Variants in SUCLG2 observed in about 807,000 individuals in gnomAD.
SUCLG2 encodes succinate--CoA ligase [GDP-forming] subunit beta, mitochondrial.
In SUCLG2, 42 loss-of-function variants were observed where a neutral mutation model predicts 47.9. The observed-to-expected ratio is 0.88, with a 90% confidence interval of 0.69 to 1.14. SUCLG2 has a LOEUF of 1.14. SUCLG2 is among the 50% of genes most tolerant of loss of function. The probability of loss-of-function intolerance (pLI) is 0.00; values close to 1 mark genes in which losing one functional copy is unlikely to be tolerated. For missense variants in SUCLG2, 571 were observed against 525.9 expected (o/e 1.09, Z -0.84); for synonymous variants, 195 against 197.3 (o/e 0.99, Z 0.10).
At chr3:67,378,022 A>C (rs1311852961) in intron 10 of SUCLG2, among the ~76,000 whole-genome samples, 1 of 152,198 alleles carries the variant, frequency 6.6e-6, no homozygotes, top group East Asian at 1.9e-4. Context: ...GGAGCCAAGC[A>C]TCTTACCCAC....
At chr3:67,636,650 C>G (rs954058822) in intron 1 of SUCLG2, among the ~76,000 whole-genome samples, 3 of 152,054 alleles carry the variant, frequency 2.0e-5, no homozygotes, top group Non-Finnish European at 4.4e-5. Flanking sequence ...CTGCACCCAG[C>G]CACCTGGCTA....
At chr3:67,625,337 T>C (rs892239036) in intron 1 of SUCLG2, among the ~76,000 whole-genome samples, 24 of 152,146 alleles carry the variant, frequency 1.6e-4, no homozygotes, top group African/African-American at 5.8e-4. Flanking sequence ...ACCATGACCT[T>C]ACAAGTTTGC....
At chr3:67,436,361 A>T (rs761035671) in intron 9 of SUCLG2, among the ~76,000 whole-genome samples, 22 of 152,200 alleles carry the variant, frequency 1.4e-4, no homozygotes, top group Non-Finnish European at 2.9e-4. Flanking sequence ...AAGAGAGCCC[A>T]CAAGGAGATG....
chr3:67,556,430 A>T (rs563746655), intron 2 of SUCLG2, among the ~76,000 whole-genome samples: 1 of 152,334 alleles, frequency 6.6e-6, no homozygotes, highest in South Asian at 2.1e-4. Flanking sequence ...ACGGTTGAGG[A>T]ATCAGGATGA....
chr3:67,650,076 A>T (rs1701259548), intron 1 of SUCLG2, among the ~76,000 whole-genome samples: 1 of 152,258 alleles, frequency 6.6e-6, no homozygotes, highest in African/African-American at 2.4e-5. Flanking sequence ...TCAATAGTTT[A>T]GCATCTAAAT....
At chr3:67,609,841 C>T (rs772555026) in intron 1 of SUCLG2, among the ~76,000 whole-genome samples, 1 of 152,088 alleles carries the variant, frequency 6.6e-6, no homozygotes, top group Admixed American at 6.5e-5. Flanking sequence ...GCTGAGTGAG[C>T]TCTGTGATCT....
At chr3:67,568,315 G>A (rs1002397879) in intron 2 of SUCLG2, among the ~76,000 whole-genome samples, 3 of 152,092 alleles carry the variant, frequency 2.0e-5, no homozygotes, top group Admixed American at 6.5e-5. Flanking sequence ...GGAAAGCATC[G>A]AATAGATTTT....
chr3:67,416,255 C>G (rs1462242239), intron 9 of SUCLG2, among the ~76,000 whole-genome samples: 1 of 152,154 alleles, frequency 6.6e-6, no homozygotes, highest in Non-Finnish European at 1.5e-5. Flanking sequence ...ATTTAGGTAG[C>G]TCTTTCAATA....
intron 9 of SUCLG2, among the ~76,000 whole-genome samples, chr3:67,433,788 G>A (rs1347755846): frequency 6.6e-6 from 1 of 151,284 alleles, no homozygotes; most frequent in Non-Finnish European, 1.5e-5. Flanking sequence ...GAAGTATGAG[G>A]TGCGGGATTT....
intron 6 of SUCLG2, among the ~76,000 whole-genome samples, chr3:67,517,639 T>C (rs149084232): frequency 6.6e-6 from 1 of 152,190 alleles, no homozygotes; most frequent in Non-Finnish European, 1.5e-5. Context: ...AATGTTTTGG[T>C]CTTTGAAGCC....
chr3:67,410,847 T>C (rs963840645), intron 9 of SUCLG2, among the ~76,000 whole-genome samples: 1 of 152,194 alleles, frequency 6.6e-6, no homozygotes, highest in African/African-American at 2.4e-5. Context: ...TAACAGATAA[T>C]TGCTTTCAAA....
intron 2 of SUCLG2, among the ~76,000 whole-genome samples, chr3:67,587,310 C>T (rs1708048930): frequency 6.6e-6 from 1 of 152,040 alleles, no homozygotes; most frequent in Non-Finnish European, 1.5e-5. Context: ...GCCGTCTGAT[C>T]TACCTGGAGA....
chr3:67,443,579 C>T lies in SUCLG2; in HGVS notation c.1063-42728G>A, dbSNP rs1205305364. Among the ~76,000 whole-genome samples, 4 of 65,816 alleles carry T rather than the reference C, an allele frequency of 6.1e-5. 1 individual carries two copies. In the East Asian group the frequency reaches 2.1e-3, roughly 35 times the overall value. 43.2% of individuals were successfully genotyped at this position (65,816 alleles called of 152,430 possible). On this transcript the variant is annotated intron_variant, in intron 9 of 10. Transcript: ENST00000307227. ...CTGGAAAGTGAGGAGCGTCTCCGCC[C>T]GGCCGCCATCCCATCTAGGAAGTGA...
chr3:67,628,090 T>C lies in SUCLG2; in HGVS notation c.85-18494A>G, dbSNP rs542424576. Among the ~76,000 whole-genome samples the C allele has an allele frequency of 2.0e-5, 3 of 152,354 alleles. No individual in the cohort carries two copies. In the East Asian group the frequency reaches 5.8e-4, roughly 29 times the overall value. On this transcript the variant is annotated intron_variant, in intron 1 of 10. Transcript: ENST00000307227. Reference sequence around the variant, plus strand: ...GTTAAAATAATGGGCATAGTCTCTATCTTTCTAACTGGACCCCAAATGATA... The same window carrying C: ...GTTAAAATAATGGGCATAGTCTCTACCTTTCTAACTGGACCCCAAATGATA...
chr3:67,473,800 T>C (rs1289739951), intron 9 of SUCLG2, among the ~76,000 whole-genome samples: 1 of 152,230 alleles, frequency 6.6e-6, no homozygotes, highest in Non-Finnish European at 1.5e-5. Context: ...TTAAAACCAC[T>C]TGCTTTAAGT....
At chr3:67,461,650 G>A (rs1461746166) in intron 9 of SUCLG2, among the ~76,000 whole-genome samples, 1 of 151,946 alleles carries the variant, frequency 6.6e-6, no homozygotes, top group Non-Finnish European at 1.5e-5. Context: ...GTTATGGTGA[G>A]CTGTTTGTGT....
chr3:67,426,321 C>G (rs773906601), intron 9 of SUCLG2, among the ~76,000 whole-genome samples: 69 of 152,160 alleles, frequency 4.5e-4, no homozygotes, highest in Non-Finnish European at 8.5e-4. Context: ...GTAAAACAGA[C>G]ATATAAGAAA....
intron 6 of SUCLG2, chr3:67,514,225 C>T (rs1705879454): frequency 1.0e-5 from 4 of 381,060 alleles, no homozygotes; most frequent in South Asian, 7.4e-5. Context: ...AATTAGGCAC[C>T]TGTTCTTCTG....
intron 2 of SUCLG2, among the ~76,000 whole-genome samples, chr3:67,572,152 G>A (rs891030668): frequency 2.0e-5 from 3 of 152,160 alleles, no homozygotes; most frequent in Non-Finnish European, 4.4e-5. Context: ...GCCTATCTAT[G>A]CATATTATAT....
Sources: allele counts gnomAD v4.1 joint callset (sites outside exome capture counted in the v4.1 genomes callset), GRCh38; gene constraint gnomAD v4.1.1; transcripts MANE v1.5; gene names NCBI Gene and HGNC (gene_info 2026-07-23, HGNC 2026-07-21).